TRIP12: variants seen among roughly 807,000 people sequenced by gnomAD.
The protein encoded by TRIP12 is thyroid hormone receptor interactor 12.
TRIP12 carries 25 observed loss-of-function variants against 244.2 expected under a neutral mutation model. The ratio of observed to expected loss-of-function variants is 0.10; its 90% CI spans 0.07 to 0.14. The LOEUF (loss-of-function observed/expected upper bound fraction) is 0.14, where lower values mean the gene tolerates loss of function less well. Among genes scored for constraint, TRIP12 ranks in the 10% least tolerant of loss-of-function variants. The probability of loss-of-function intolerance (pLI) is 1.00; values close to 1 mark genes in which losing one functional copy is unlikely to be tolerated. For missense variants in TRIP12, 1,677 were observed against 2,486.4 expected (o/e 0.67, Z 6.92); for synonymous variants, 905 against 873.1 (o/e 1.04, Z -0.64).
At chr2:229,919,918 T>C (rs2076183757) in intron 1 of TRIP12, among the ~76,000 whole-genome samples, 1 of 152,318 alleles carries the variant, frequency 6.6e-6, no homozygotes, top group East Asian at 1.9e-4. Flanking sequence ...CAGCAGGAAG[T>C]GTCAAAAGAA....
intron 5 of TRIP12, among the ~76,000 whole-genome samples, chr2:229,839,355 A>G (rs1442887254): frequency 2.0e-5 from 3 of 152,164 alleles, no homozygotes; most frequent in East Asian, 1.9e-4. Flanking sequence ...CTAATGACAC[A>G]TATCTCAGAA....
At chr2:229,847,183 C>T (rs979123663) in intron 4 of TRIP12, among the ~76,000 whole-genome samples, 2 of 152,094 alleles carry the variant, frequency 1.3e-5, no homozygotes, top group African/African-American at 4.8e-5. Flanking sequence ...CTAGCCATTA[C>T]GAATGATGTA....
intron 5 of TRIP12, 35 bp from the exon 6 acceptor site, chr2:229,837,019 C>A (rs1667033253): frequency 1.3e-6 from 2 of 1,482,866 alleles, no homozygotes; most frequent in African/African-American, 2.9e-5. Context: ...GGCAGCATTA[C>A]CAGTGAACCA....
intron 6 of TRIP12, 198 bp from the exon 7 acceptor site, chr2:229,831,037 G>T (rs1041772763): frequency 4.2e-5 from 29 of 691,292 alleles, no homozygotes; most frequent in Non-Finnish European, 7.4e-5. Context: ...AACTATTTTA[G>T]TATTAAAAAG....
Position 229,789,601 on chromosome 2 carries a change from C to T in TRIP12, c.4695+10G>A. On this transcript the variant is annotated intron_variant, in intron 31 of 41. Coordinates refer to ENST00000675903, the MANE Select transcript of TRIP12 (RefSeq NM_001348323.3). ...CCATGAAAACTTCATAAATAGGCAA[C>T]ATTACTCACATCATACAAGTAATAC... 1 of 1,611,060 alleles carries T rather than the reference C, an allele frequency of 6.2e-7. No individual in the cohort carries two copies. Among genetic ancestry groups the T allele is most frequent in the Non-Finnish European group, 8.5e-7 (1 of 1,178,472 alleles).
At chr2:229,857,466 T>C (rs2059778093) in intron 4 of TRIP12, among the ~76,000 whole-genome samples, 1 of 151,898 alleles carries the variant, frequency 6.6e-6, no homozygotes, top group African/African-American at 2.4e-5. Context: ...CCCTCTCTAC[T>C]AAAAATACAA....
chr2:229,776,379 T>C (rs2036260605), intron 37 of TRIP12, among the ~76,000 whole-genome samples: 1 of 152,188 alleles, frequency 6.6e-6, no homozygotes, highest in African/African-American at 2.4e-5. Context: ...TTCTAAAAAT[T>C]CTAAAATGAC....
intron 8 of TRIP12, among the ~76,000 whole-genome samples, chr2:229,825,974 T>C (rs1490269460): frequency 2.0e-5 from 3 of 152,130 alleles, no homozygotes; most frequent in African/African-American, 7.2e-5. Context: ...ACAATTATAC[T>C]TAAAAACAAA....
intron 8 of TRIP12, among the ~76,000 whole-genome samples, chr2:229,828,323 C>G (rs1032981790): frequency 6.6e-6 from 1 of 150,480 alleles, no homozygotes; most frequent in African/African-American, 2.4e-5. Context: ...CCCTTAGGGA[C>G]CCCCTGCAAC....
At chr2:229,872,455 T>C (rs1177795905) in intron 2 of TRIP12, among the ~76,000 whole-genome samples, 2 of 151,982 alleles carry the variant, frequency 1.3e-5, no homozygotes, top group African/African-American at 2.4e-5. Context: ...TCCCAGCTGC[T>C]CAGAAGGCTG....
At chr2:229,852,602 A>C (rs749786555) in intron 4 of TRIP12, among the ~76,000 whole-genome samples, 1 of 152,222 alleles carries the variant, frequency 6.6e-6, no homozygotes, top group African/African-American at 2.4e-5. Flanking sequence ...AAATTGTTAC[A>C]TAACAATTTT....
intron 30 of TRIP12, 35 bp from the exon 31 acceptor site, chr2:229,789,797 AAGTT>A (rs1318059422): frequency 6.2e-7 from 1 of 1,610,702 alleles, no homozygotes; most frequent in African/African-American, 1.3e-5. Context: ...GTTTTGATCA[AAGTT>A]AGAAAGGCTA....
upstream of TRIP12, chr2:229,922,667 C>T: frequency 1.2e-5 from 19 of 1,566,636 alleles, no homozygotes; most frequent in East Asian, 2.3e-5. Context: ...CCGGTTGGGG[C>T]CCGGGACGCA....
intron 7 of TRIP12, among the ~76,000 whole-genome samples, chr2:229,830,415 T>A (rs2154298313): frequency 6.6e-6 from 1 of 152,336 alleles, no homozygotes; most frequent in Middle Eastern, 3.4e-3. Flanking sequence ...GCATTCATAA[T>A]GCTACTGGAT....
rs1349087360 is a variant in TRIP12 at position 229,766,149 on chromosome 2, G to A, written c.*1405C>T. On this transcript the variant is annotated 3_prime_UTR_variant, in exon 42 of 42. Coordinates refer to ENST00000675903, the MANE Select transcript of TRIP12 (RefSeq NM_001348323.3). ...GCTCATCTCTTATTTTCAAGGAGAT[G>A]AATTATGGAAAATTCCTTCAAATTT... The A allele has an allele frequency of 6.6e-6, 1 of 151,868 alleles. No individual in the cohort carries two copies. Among genetic ancestry groups the A allele is most frequent in the Non-Finnish European group, 1.5e-5 (1 of 67,984 alleles). 9.4% of individuals were successfully genotyped at this position (151,868 alleles called of 1,614,324 possible). A position where few individuals can be genotyped will look rare whatever the true frequency, so the allele number is the denominator to read the frequency against.
intron 29 of TRIP12, among the ~76,000 whole-genome samples, chr2:229,791,503 T>C (rs2041519692): frequency 6.6e-6 from 1 of 152,178 alleles, no homozygotes; most frequent in African/African-American, 2.4e-5. Context: ...TAGCAGACAC[T>C]CACAGACAAT....
At chr2:229,908,346 A>C (rs2073414634) in intron 1 of TRIP12, among the ~76,000 whole-genome samples, 2 of 152,240 alleles carry the variant, frequency 1.3e-5, no homozygotes, top group Non-Finnish European at 2.9e-5. Flanking sequence ...GATGCAAATA[A>C]TGCAACTATT....
chr2:229,827,286 A>G, intron 8 of TRIP12, among the ~76,000 whole-genome samples: 1 of 151,964 alleles, frequency 6.6e-6, no homozygotes. Flanking sequence ...TCTCAAAAAA[A>G]AAAAAGAAAA....
chr2:229,815,334 GA>G, intron 9 of TRIP12, 26 bp from the exon 10 acceptor site: 1 of 1,328,222 alleles, frequency 7.5e-7, no homozygotes, highest in Admixed American at 2.1e-5. Flanking sequence ...CAAAATATTA[GA>G]AGCTATATTC....
Sources: allele counts gnomAD v4.1 joint callset (sites outside exome capture counted in the v4.1 genomes callset), GRCh38; gene constraint gnomAD v4.1.1; transcripts MANE v1.5; gene names NCBI Gene and HGNC (gene_info 2026-07-23, HGNC 2026-07-21).